The following PRKN variants were observed in gnomAD, a reference collection of about 807,000 sequenced individuals.
PRKN encodes parkin RBR E3 ubiquitin protein ligase, also known as E3 ubiquitin-protein ligase parkin.
A neutral mutation model predicts 59.5 loss-of-function variants in PRKN; 56 were observed. The observed-to-expected ratio is 0.94, with a 90% CI of 0.76 to 1.18. The LOEUF is 1.18. PRKN is among the 50% of genes most tolerant of loss of function. The probability of loss-of-function intolerance (pLI) is 0.00; values close to 1 mark genes in which losing one functional copy is unlikely to be tolerated. For synonymous variants in PRKN, 250 were observed against 222.1 expected, an observed-to-expected ratio of 1.13 and a Z score of -1.12; for missense variants, 657 against 596.4, an observed-to-expected ratio of 1.10 and a Z score of -1.06.
At chr6:162,323,670 T>C (rs1562670417) in intron 2 of PRKN, among the ~76,000 whole-genome samples, 2 of 152,020 alleles carry the variant, frequency 1.3e-5, no homozygotes, top group Admixed American at 6.6e-5. Context: ...TTTTTAGTCA[T>C]TAGGGAAACG....
intron 6 of PRKN, among the ~76,000 whole-genome samples, chr6:161,869,975 C>A (rs1353088118): frequency 6.6e-6 from 1 of 152,126 alleles, no homozygotes; most frequent in African/African-American, 2.4e-5. Context: ...TTTGTTTCTT[C>A]CTTTTTTACT....
intron 7 of PRKN, among the ~76,000 whole-genome samples, chr6:161,611,474 C>A (rs1270555795): frequency 1.3e-5 from 2 of 152,192 alleles, no homozygotes; most frequent in African/African-American, 4.8e-5. Context: ...CACACTATTT[C>A]AAACTTTTTT....
intron 5 of PRKN, among the ~76,000 whole-genome samples, chr6:161,994,865 T>C (rs986444564): frequency 1.3e-5 from 2 of 151,484 alleles, no homozygotes; most frequent in South Asian, 2.1e-4. Context: ...TTAATATTGT[T>C]AAAATGACTG....
At chr6:162,125,044 T>C (rs907312219) in intron 4 of PRKN, among the ~76,000 whole-genome samples, 1 of 152,184 alleles carries the variant, frequency 6.6e-6, no homozygotes, top group Admixed American at 6.5e-5. Flanking sequence ...ACGATTATTA[T>C]AGAAAGTGAG....
chr6:162,050,767 G>A (rs907220766), intron 5 of PRKN, among the ~76,000 whole-genome samples: 1 of 152,088 alleles, frequency 6.6e-6, no homozygotes, highest in Admixed American at 6.5e-5. Flanking sequence ...GGTCCATGCG[G>A]AGCACTGAAG....
intron 5 of PRKN, among the ~76,000 whole-genome samples, chr6:161,987,204 T>C (rs1283668169): frequency 5.9e-5 from 9 of 152,250 alleles, no homozygotes; most frequent in Non-Finnish European, 2.9e-5. Flanking sequence ...AAATAAAATG[T>C]AATTTGTAAA....
At chr6:161,365,341 C>CT (rs1220459074) in intron 10 of PRKN, among the ~76,000 whole-genome samples, 11 of 152,308 alleles carry the variant, frequency 7.2e-5, no homozygotes, top group Admixed American at 2.6e-4. Flanking sequence ...GCAAGAGGAG[C>CT]ACTCAGGGGC....
chr6:161,768,645 A>T lies in PRKN; in HGVS notation c.871+17127T>A, dbSNP rs1247355150. ...TTCTTCCTGTAGCCCAATGAACCAT[A>T]GTCTGGAGTCCACTTCTTTTAGTGT... is the stretch of plus-strand genomic sequence containing the variant. On this transcript the variant is annotated intron_variant, in intron 7 of 11. Transcript: ENST00000366898. Among the ~76,000 whole-genome samples the T allele has an allele frequency of 2.0e-5, 3 of 152,352 alleles. No individual in the cohort carries two copies. The East Asian group carries it at 5.8e-4, about 29-fold the overall frequency.
At chr6:161,756,555 G>T (rs1008824157) in intron 7 of PRKN, among the ~76,000 whole-genome samples, 2 of 146,388 alleles carry the variant, frequency 1.4e-5, no homozygotes, top group Non-Finnish European at 3.0e-5. Context: ...AAGACCAAAA[G>T]ATTTTTCTTT....
At chr6:161,853,260 C>G (rs923842133) in intron 6 of PRKN, among the ~76,000 whole-genome samples, 5 of 151,804 alleles carry the variant, frequency 3.3e-5, no homozygotes, top group African/African-American at 1.2e-4. Context: ...GTGATTTGAC[C>G]CTGGTTTTAT....
At chr6:162,239,907 C>T (rs909819448) in intron 3 of PRKN, among the ~76,000 whole-genome samples, 1 of 152,226 alleles carries the variant, frequency 6.6e-6, no homozygotes, top group South Asian at 2.1e-4. Context: ...ATAACCCAGG[C>T]CTCCCAGATG....
chr6:161,401,395 G>A lies in PRKN; in HGVS notation c.1084-14518C>T, dbSNP rs1787044094. ...GGAAGCCAAGGTGGGCAGATCACCT[G>A]AGGTTAGGAGTTTGAGACCAGCCTG... On this transcript the variant is annotated intron_variant, in intron 9 of 11. Transcript: ENST00000366898. The surrounding 1 kb of genome is among the most constrained non-coding windows in gnomAD (Gnocchi z 4.4). 6.6e-6 allele frequency among the ~76,000 whole-genome samples: 1 copy of A among 152,124 alleles called. No homozygotes were observed. The highest frequency in any genetic ancestry group is 2.1e-4 in the South Asian group (1 of 4,822).
At chr6:162,216,628 C>T (rs904811943) in intron 3 of PRKN, among the ~76,000 whole-genome samples, 12 of 149,662 alleles carry the variant, frequency 8.0e-5, no homozygotes, top group East Asian at 6.0e-4. Flanking sequence ...AACCATCTGG[C>T]GGCAGGAATG....
At chr6:161,691,660 G>A (rs1265042877) in intron 7 of PRKN, among the ~76,000 whole-genome samples, 9 of 152,016 alleles carry the variant, frequency 5.9e-5, no homozygotes, top group Non-Finnish European at 1.2e-4. Context: ...ATGCTTGGGG[G>A]GCATTTTAAA....
intron 4 of PRKN, among the ~76,000 whole-genome samples, chr6:162,179,255 A>G (rs113276175): frequency 0.011 from 1,700 of 152,218 alleles, 18 homozygotes; most frequent in South Asian, 0.029. Context: ...ATTTGAGCCT[A>G]TATTTCTCTG....
chr6:162,702,761 A>T lies in PRKN; in HGVS notation c.7+24901T>A, dbSNP rs144935207. On this transcript the variant is annotated intron_variant, in intron 1 of 11. Transcript: ENST00000366898. ...GATTGATGAAATGAATAGTTTTAAA[A>T]TAGCACTTTTTGAAATGACAAGAGA... 3.5e-4 allele frequency among the ~76,000 whole-genome samples: 54 copies of T among 152,336 alleles called. 2 individuals carry two copies. In the East Asian group the frequency reaches 0.01, roughly 29 times the overall value.
chr6:161,491,454 G>GT (rs1402598345), intron 9 of PRKN, among the ~76,000 whole-genome samples: 2 of 152,152 alleles, frequency 1.3e-5, no homozygotes, highest in Non-Finnish European at 2.9e-5. Context: ...AGAGTATAAT[G>GT]TGAGTTGGAA....
intron 2 of PRKN, among the ~76,000 whole-genome samples, chr6:162,433,029 G>A (rs1253402804): frequency 2.0e-5 from 3 of 152,152 alleles, no homozygotes; most frequent in African/African-American, 7.2e-5. Context: ...TTCAAGTGTG[G>A]AATAGGCAAT....
At position 161,356,498 on chromosome 6, in the gene PRKN, C is replaced by T. The variant is rs936835093; in HGVS notation, c.1285+3590G>A. On this transcript the variant is annotated intron_variant, in intron 11 of 11. Transcript: ENST00000366898. The surrounding 1 kb of genome is among the most constrained non-coding windows in gnomAD (Gnocchi z 7.8). Reference sequence around the variant, plus strand: ...ATGTAGAGGACGGATCATAAATATGCGAGAGTGGAGGCGAGAGCCCTTTTG... The same window carrying T: ...ATGTAGAGGACGGATCATAAATATGTGAGAGTGGAGGCGAGAGCCCTTTTG... Among the ~76,000 whole-genome samples the T allele has an allele frequency of 2.0e-5, 3 of 152,202 alleles. No homozygotes were observed. The highest frequency in any genetic ancestry group is 3.4e-3 in the Middle Eastern group (1 of 294).
Sources: allele counts gnomAD v4.1 joint callset (sites outside exome capture counted in the v4.1 genomes callset), GRCh38; gene constraint gnomAD v4.1.1; non-coding constraint Gnocchi (gnomAD v3.1); transcripts MANE v1.5; gene names NCBI Gene and HGNC (gene_info 2026-07-23, HGNC 2026-07-21).